The following C1orf116 variants were observed in gnomAD, a reference collection of about 807,000 sequenced individuals.
The protein encoded by C1orf116 is specifically androgen-regulated gene protein.
C1orf116 carries 12 observed loss-of-function variants against 14.1 expected under a neutral mutation model. That is an observed-to-expected ratio of 0.85 (90% CI 0.54 to 1.38). The LOEUF (loss-of-function observed/expected upper bound fraction) is 1.38, where lower values mean the gene tolerates loss of function less well. C1orf116 is among the 40% of genes most tolerant of loss of function. The pLI, the probability that C1orf116 is intolerant of heterozygous loss-of-function variation, is 0.00. For missense variants in C1orf116, 797 were observed against 747.0 expected (o/e 1.07, Z -0.78); for synonymous variants, 296 against 299.0 (o/e 0.99, Z 0.10).
At chr1:207,032,209 AT>A (rs1682268598) in intron 1 of C1orf116, among the ~76,000 whole-genome samples, 1 of 152,176 alleles carries the variant, frequency 6.6e-6, no homozygotes, top group Admixed American at 6.5e-5. Context: ...ACTCTCCCCC[AT>A]TTTGACTCCC....
In C1orf116 at chr1:207,020,892, G is replaced by T. The variant is rs560069877; in HGVS notation, c.*1066C>A. 1.9e-4 allele frequency: 29 copies of T among 152,252 alleles called. No individual in the cohort carries two copies. The highest frequency in any genetic ancestry group is 1.8e-3 in the Admixed American group (27 of 15,302). 9.4% of individuals were successfully genotyped at this position (152,252 alleles called of 1,614,324 possible). The stretch of plus-strand genomic sequence containing the variant: ...CTTTCCCTAAATGGCAGGCTGACCC[G>T]GGGTTAGTCACTTCCCTTCCCCAGC... On this transcript the variant is annotated 3_prime_UTR_variant, in exon 4 of 4. Coordinates refer to ENST00000359470, the MANE Select transcript of C1orf116 (RefSeq NM_023938.6).
In C1orf116 at chr1:207,022,043, CAG is replaced by C. The variant is rs1558042491; in HGVS notation, c.1719_1720del (p.Val575GlnfsTer12). On this transcript the variant is annotated frameshift_variant, in exon 4 of 4. Coordinates refer to ENST00000359470, the MANE Select transcript of C1orf116 (RefSeq NM_023938.6). LOFTEE classifies it high-confidence loss of function. The stretch of plus-strand genomic sequence containing the variant: ...CTTTGGGGAGATCTTGACACTGACA[CAG>C]GGGGGGCGAGGAAGCTTGTCACGGC... The C allele has an allele frequency of 2.5e-6, 4 of 1,600,172 alleles. No individual in the cohort carries two copies. Among genetic ancestry groups the C allele is most frequent in the Non-Finnish European group, 3.4e-6 (4 of 1,173,792 alleles).
chr1:207,023,257 C>T lies in C1orf116; in HGVS notation c.507G>A (p.Glu169=), dbSNP rs139197763. 1 of 1,613,418 alleles carries T rather than the reference C, an allele frequency of 6.2e-7. No homozygotes were observed. Among genetic ancestry groups the T allele is most frequent in the Non-Finnish European group, 8.5e-7 (1 of 1,179,640 alleles). The stretch of plus-strand genomic sequence containing the variant: ...GGCTGCTCTGGCTGACCTGTTCTTT[C>T]TCAGGCTCTGGCGCAAGCCTCCCCG... ...GEPGRLAPEP[E]KEQVSQSSQP... is the part of the protein sequence containing the mutation. The change falls in exon 4 of 4, where the codon GAG becomes GAA. Residue 169 remains glutamate, a synonymous_variant. Coordinates refer to ENST00000359470, the MANE Select transcript of C1orf116 (RefSeq NM_023938.6).
At chr1:207,025,206 G>C in intron 2 of C1orf116, 142 bp from the exon 3 acceptor site, 1 of 646,070 alleles carries the variant, frequency 1.5e-6, no homozygotes, top group Non-Finnish European at 2.7e-6. Context: ...CAGAGAGGAA[G>C]GAATGCTGAA....
In C1orf116 at chr1:207,023,450, C is replaced by T; in HGVS notation, c.314G>A (p.Gly105Glu). 1.9e-6 allele frequency: 3 copies of T among 1,612,890 alleles called. No homozygotes were observed. Among genetic ancestry groups the T allele is most frequent in the Non-Finnish European group, 2.5e-6 (3 of 1,179,478 alleles). Reference sequence around the variant, plus strand: ...CTCAGTTACTGTCCTTGGCGTTCGTCCTTGCTGAGTGATGGTCTCCTCTGG... The same window carrying T: ...CTCAGTTACTGTCCTTGGCGTTCGTTCTTGCTGAGTGATGGTCTCCTCTGG... ...GGPEETITQQ[G>E]RTPRTVTESS... Residue 105 changes from glycine to glutamate, a missense_variant, in exon 4 of 4, where the codon GGA becomes GAA. By Grantham distance (98) the Gly-to-Glu change is moderately conservative. Coordinates refer to ENST00000359470, the MANE Select transcript of C1orf116 (RefSeq NM_023938.6).
intron 1 of C1orf116, among the ~76,000 whole-genome samples, chr1:207,031,772 C>T (rs1682254040): frequency 6.6e-6 from 1 of 152,220 alleles, no homozygotes; most frequent in South Asian, 2.1e-4. Flanking sequence ...TGCCACACTA[C>T]CTTGGCTTGA....
At position 207,023,267 on chromosome 1, in the gene C1orf116, G is replaced by C; in HGVS notation, c.497C>G (p.Pro166Arg). The C allele has an allele frequency of 4.3e-6, 7 of 1,613,888 alleles. No individual in the cohort carries two copies. The highest frequency in any genetic ancestry group is 5.9e-6 in the Non-Finnish European group (7 of 1,179,832). ...HNPGEPGRLA[P>R]EPEKEQVSQS... ...GCTGACCTGTTCTTTCTCAGGCTCT[G>C]GCGCAAGCCTCCCCGGTTCTCCAGG... Residue 166 changes from proline to arginine, a missense_variant, in exon 4 of 4, where the codon CCA (proline) becomes CGA (arginine). Physicochemically the swap from Pro to Arg is moderately radical, Grantham distance 103. Coordinates refer to ENST00000359470, the MANE Select transcript of C1orf116 (RefSeq NM_023938.6).
Position 207,021,291 on chromosome 1 carries a change from C to A in C1orf116, c.*667G>T, listed in dbSNP as rs772567552. 1.3e-5 allele frequency: 2 copies of A among 152,620 alleles called. No individual in the cohort carries two copies. The highest frequency in any genetic ancestry group is 2.9e-5 in the Non-Finnish European group (2 of 68,052). The allele number at this position is 152,620 out of a possible 1,614,324, so 9.5% of individuals were successfully genotyped here. ...TGGTCACTTATCCTGCCTTCTCAGA[C>A]CAACAAGAGCTGTTCTGCTATCAAT... On this transcript the variant is annotated 3_prime_UTR_variant, in exon 4 of 4. Coordinates refer to ENST00000359470, the MANE Select transcript of C1orf116 (RefSeq NM_023938.6).
chr1:207,032,454 A>G, intron 1 of C1orf116, 125 bp downstream of exon 1: 1 of 583,142 alleles, frequency 1.7e-6, no homozygotes, highest in Non-Finnish European at 2.2e-6. Flanking sequence ...GAATTGAGGA[A>G]CAGAGAGGAA....
intron 1 of C1orf116, 40 bp from the exon 2 acceptor site, chr1:207,027,719 T>C: frequency 6.7e-7 from 1 of 1,482,354 alleles, no homozygotes; most frequent in Non-Finnish European, 9.0e-7. Flanking sequence ...GAGCCGAGGC[T>C]TCGGCAAGGC....
At chr1:207,029,744 A>G (rs1183995806) in intron 1 of C1orf116, among the ~76,000 whole-genome samples, 1 of 152,248 alleles carries the variant, frequency 6.6e-6, no homozygotes, top group African/African-American at 2.4e-5. Context: ...AACATTTATG[A>G]GCACCTAATA....
rs1477743346 is a variant in C1orf116 at position 207,025,025 on chromosome 1, CCTT to C, written c.142_144del (p.Lys48del). 3 of 1,529,740 alleles carry C rather than the reference CCTT, an allele frequency of 2.0e-6. No homozygotes were observed. The highest frequency in any genetic ancestry group is 1.8e-6 in the Non-Finnish European group (2 of 1,129,226). The allele number at this position is 1,529,740 out of a possible 1,614,324, so 94.8% of individuals were successfully genotyped here. A position where few individuals can be genotyped will look rare whatever the true frequency, so the allele number is the denominator to read the frequency against. ...GTCTCCTCCAGGAAGAGCAGACACT[CCTT>C]CTCTTCAGTGGACAGGAAGTCGTAG... On this transcript the variant is annotated inframe_deletion, in exon 3 of 4. Coordinates refer to ENST00000359470, the MANE Select transcript of C1orf116 (RefSeq NM_023938.6).
chr1:207,021,731 C>CCA lies in C1orf116; in HGVS notation c.*225_*226dup. 1.9e-5 allele frequency: 8 copies of CCA among 415,898 alleles called. No homozygotes were observed. Among genetic ancestry groups the CCA allele is most frequent in the South Asian group, 1.8e-4 (2 of 11,236 alleles). The allele number at this position is 415,898 out of a possible 1,614,324, so 25.8% of individuals were successfully genotyped here. On this transcript the variant is annotated 3_prime_UTR_variant, in exon 4 of 4. Transcript: ENST00000359470. ...AGTGATGTATCCAGCGGCCCCCCCTCCACACACACACCAAACACACACACA... is the reference window on the plus strand; with the variant it reads ...AGTGATGTATCCAGCGGCCCCCCCTCCACACACACACACCAAACACACACACA...
Position 207,027,481 on chromosome 1 carries a change from G to A in C1orf116, c.105+13C>T. On this transcript the variant is annotated intron_variant, in intron 2 of 3. Coordinates refer to ENST00000359470, the MANE Select transcript of C1orf116 (RefSeq NM_023938.6). The stretch of plus-strand genomic sequence containing the variant: ...AGAGCAGACCAGGTTGCGGGAGGGA[G>A]AGTATTACGTACAGATCCAGAGCGG... The A allele has an allele frequency of 6.2e-7, 1 of 1,613,646 alleles. No homozygotes were observed. Among genetic ancestry groups the A allele is most frequent in the Non-Finnish European group, 8.5e-7 (1 of 1,179,990 alleles).
At chr1:207,031,644 C>T (rs752195325) in intron 1 of C1orf116, among the ~76,000 whole-genome samples, 35 of 152,200 alleles carry the variant, frequency 2.3e-4, no homozygotes, top group Non-Finnish European at 4.3e-4. Flanking sequence ...TACTCTGACT[C>T]GACTCCTACA....
intron 3 of C1orf116, 118 bp from the exon 4 acceptor site, chr1:207,023,598 A>G: frequency 1.5e-6 from 2 of 1,371,970 alleles, no homozygotes; most frequent in South Asian, 3.3e-5. Flanking sequence ...ACTAGCAATG[A>G]ATGGGTTTTA....
chr1:207,031,532 A>G (rs575134497), intron 1 of C1orf116, among the ~76,000 whole-genome samples: 3 of 152,296 alleles, frequency 2.0e-5, no homozygotes, highest in South Asian at 2.1e-4. Flanking sequence ...CCTGGCACTG[A>G]GGGCTTCCCA....
chr1:207,025,030 T>A lies in C1orf116; in HGVS notation c.140A>T (p.Glu47Val), dbSNP rs1040460881. 1.2e-5 allele frequency: 18 copies of A among 1,555,152 alleles called. No homozygotes were observed. The change falls in exon 3 of 4, where the codon GAG (glutamate) becomes GTG (valine). Residue 47 changes from glutamate (E) to valine (V), a missense_variant. Physicochemically the swap from Glu to Val is moderately radical, Grantham distance 121. Coordinates refer to ENST00000359470, the MANE Select transcript of C1orf116 (RefSeq NM_023938.6). Reference protein sequence around the residue: ...DSSYDFLSTEEKECLLFLEET... With the variant: ...DSSYDFLSTEVKECLLFLEET... ...CTCCAGGAAGAGCAGACACTCCTTC[T>A]CTTCAGTGGACAGGAAGTCGTAGCT...
rs775161172 is a variant in C1orf116, at chr1:207,023,489, G to T, written c.284-9C>A. 38 of 1,590,634 alleles carry T rather than the reference G, an allele frequency of 2.4e-5. No individual in the cohort carries two copies. Among genetic ancestry groups the T allele is most frequent in the Non-Finnish European group, 3.2e-5 (37 of 1,169,930 alleles). On this transcript the variant is annotated splice_polypyrimidine_tract_variant and intron_variant, in intron 3 of 3. Coordinates refer to ENST00000359470, the MANE Select transcript of C1orf116 (RefSeq NM_023938.6). ...GGTCTCCTCTGGACCTCCTGTGAGG[G>T]TCAGAAAGAACATAAAAGAGTGGAC... is the stretch of plus-strand genomic sequence containing the variant.
Sources: gnomAD v4.1 joint callset for allele counts (sites outside exome capture counted in the v4.1 genomes callset) on GRCh38, gnomAD v4.1.1 for gene constraint, MANE v1.5 for transcripts, NCBI Gene and HGNC (gene_info 2026-07-23, HGNC 2026-07-21) for gene names.